The following EGFL6 variants were observed in gnomAD, a reference collection of about 807,000 sequenced individuals.
The protein encoded by EGFL6 is EGF like domain multiple 6, also known as epidermal growth factor-like protein 6.
EGFL6 carries 42 observed loss-of-function variants against 43.1 expected under a neutral mutation model. The ratio of observed to expected loss-of-function variants is 0.98; its 90% confidence interval spans 0.76 to 1.26. The LOEUF is 1.26. Ranked by LOEUF, EGFL6 falls within the 50% of genes most tolerant of loss-of-function variation. EGFL6 has a pLI of 0.00. For synonymous variants in EGFL6, 164 were observed against 163.2 expected, an observed-to-expected ratio of 1.01 and a Z score of -0.04; for missense variants, 429 against 427.8, an observed-to-expected ratio of 1.00 and a Z score of -0.02.
intron 10 of EGFL6, among the ~76,000 whole-genome samples, chrX:13,626,549 G>C (rs976134461): frequency 8.9e-6 from 1 of 112,051 alleles, no homozygotes; most frequent in African/African-American, 3.2e-5. Context: ...CACTAGTACA[G>C]GTGCAGGTGT....
At chrX:13,618,843 C>T (rs763589818) in intron 8 of EGFL6, among the ~76,000 whole-genome samples, 243 of 109,346 alleles carry the variant, frequency 2.2e-3, no homozygotes, top group Non-Finnish European at 3.9e-3. Context: ...AACTAGCATC[C>T]GGTGACATTC....
rs771567694 is a variant in EGFL6, at chrX:13,627,413, C to T, written c.1551+137C>T. The T allele has an allele frequency of 2.1e-5, 17 of 817,999 alleles. No individual in the cohort carries two copies. In the South Asian group the frequency reaches 3.0e-4, roughly 14 times the overall value. The allele number at this position is 817,999 out of a possible 1,213,427, so 67.4% of individuals were successfully genotyped here. A position where few individuals can be genotyped will look rare whatever the true frequency, so the allele number is the denominator to read the frequency against. On this transcript the variant is annotated intron_variant, in intron 11 of 11. Coordinates refer to ENST00000361306, the MANE Select transcript of EGFL6 (RefSeq NM_015507.4). ...ACTTTTTCCCTACACTTAAAGAATA[C>T]GTTCTGGAGCTGAATAGGCAAGGTG...
intron 3 of EGFL6, among the ~76,000 whole-genome samples, chrX:13,599,624 G>A (rs1240240857): frequency 9.3e-6 from 1 of 107,616 alleles, no homozygotes; most frequent in Admixed American, 1.0e-4. Flanking sequence ...TCTAGTTTGG[G>A]GCTATCTAGT....
intron 9 of EGFL6, among the ~76,000 whole-genome samples, chrX:13,621,019 G>A (rs1465381236): frequency 8.9e-6 from 1 of 112,355 alleles, no homozygotes; most frequent in African/African-American, 3.2e-5. Context: ...TGTTTGCCTT[G>A]GACAAGTCAC....
intron 6 of EGFL6, among the ~76,000 whole-genome samples, chrX:13,607,914 A>G (rs1024602723): frequency 1.8e-5 from 2 of 112,432 alleles, no homozygotes; most frequent in African/African-American, 6.5e-5. Context: ...GCCTGTGCCT[A>G]TAAGTTAGAT....
chrX:13,606,660 T>A, intron 6 of EGFL6, 147 bp downstream of exon 6: 1 of 590,457 alleles, frequency 1.7e-6, no homozygotes, highest in Non-Finnish European at 2.5e-6. Context: ...GTTATTTTTT[T>A]AGGTGTCTGG....
intron 1 of EGFL6, among the ~76,000 whole-genome samples, chrX:13,588,073 G>A (rs1302188901): frequency 3.8e-4 from 43 of 112,221 alleles, no homozygotes; most frequent in Non-Finnish European, 9.4e-5. Context: ...TATCAGTTGT[G>A]TAGAAGTTGA....
At chrX:13,590,323 A>G (rs1292596782) in intron 2 of EGFL6, 1 of 111,842 alleles carries the variant, frequency 8.9e-6, no homozygotes, top group Non-Finnish European at 1.9e-5. Context: ...ATGAGCATAA[A>G]GTTTTTGCCT....
chrX:13,606,279 A>C (rs2045659717), intron 5 of EGFL6, 100 bp from the exon 6 acceptor site: 2 of 918,312 alleles, frequency 2.2e-6, no homozygotes, highest in South Asian at 4.7e-5. Flanking sequence ...TACTATTATC[A>C]GTTTCCCAGA....
At position 13,571,056 on chromosome X, in the gene EGFL6, A is replaced by G. The variant is rs755553146; in HGVS notation, c.74+1121A>G. 2.7e-5 allele frequency among the ~76,000 whole-genome samples: 3 copies of G among 110,065 alleles called. No individual in the cohort carries two copies. In the Admixed American group the frequency reaches 2.9e-4, roughly 11 times the overall value. On this transcript the variant is annotated intron_variant, in intron 1 of 11. Coordinates refer to ENST00000361306, the MANE Select transcript of EGFL6 (RefSeq NM_015507.4). Reference sequence around the variant, plus strand: ...TGTGCATTGTAGGATGTTTAGCAGCACCTGTGGCCTCTACTCACTAGATAC... The same window carrying G: ...TGTGCATTGTAGGATGTTTAGCAGCGCCTGTGGCCTCTACTCACTAGATAC...
intron 5 of EGFL6, among the ~76,000 whole-genome samples, chrX:13,605,419 A>G (rs900009647): frequency 1.2e-4 from 13 of 108,725 alleles, no homozygotes; most frequent in Admixed American, 2.0e-4. Flanking sequence ...CAAAAAAAAA[A>G]TAATAAAAAA....
chrX:13,617,828 A>G lies in EGFL6; in HGVS notation c.877A>G (p.Lys293Glu), dbSNP rs746496728. Residue 293 changes from lysine to glutamate, a missense_variant, in exon 8 of 12, where the codon AAG becomes GAG. Coordinates refer to ENST00000361306, the MANE Select transcript of EGFL6 (RefSeq NM_015507.4). ...TGCTCACAAAAACAGCATGAAAAAGAAGGCAAAAATTAAAAATGTTACCCC... is the reference window on the plus strand; with the variant it reads ...TGCTCACAAAAACAGCATGAAAAAGGAGGCAAAAATTAAAAATGTTACCCC... Reference protein sequence around the residue: ...LLAHKNSMKKKAKIKNVTPEP... With the variant: ...LLAHKNSMKKEAKIKNVTPEP... 5.0e-6 allele frequency: 6 copies of G among 1,211,685 alleles called. No homozygotes were observed. In the Middle Eastern group the frequency reaches 9.2e-4, roughly 185 times the overall value.
intron 1 of EGFL6, among the ~76,000 whole-genome samples, chrX:13,576,890 G>GAGATCAGTAGTACTTCT (rs1299483935): frequency 8.9e-6 from 1 of 111,825 alleles, no homozygotes; most frequent in Non-Finnish European, 1.9e-5. Context: ...TTTACCCAGA[G>GAGATCAGTAGTACTTCT]AGATCAGTAG....
chrX:13,575,006 C>A, intron 1 of EGFL6: 1 of 116,574 alleles, frequency 8.6e-6, no homozygotes, highest in South Asian at 3.0e-4. Flanking sequence ...CACTAGCTAT[C>A]ATTTATCCAG....
chrX:13,619,230 A>G lies in EGFL6; in HGVS notation c.1170A>G (p.Lys390=), dbSNP rs2045736574. Residue 390 remains lysine, a synonymous_variant, in exon 9 of 12, where the codon AAA becomes AAG. Transcript: ENST00000361306. ...ILVQRKALTS[K]LEHKDLNISV... The stretch of plus-strand genomic sequence containing the variant: ...TCCAAAGGAAAGCGCTAACTTCCAA[A>G]CTGGAACATAAAGGTAAATAATTCT... 8 of 1,206,458 alleles carry G rather than the reference A, an allele frequency of 6.6e-6. No individual in the cohort carries two copies. In the East Asian group the frequency reaches 2.4e-4, roughly 36 times the overall value.
intron 3 of EGFL6, among the ~76,000 whole-genome samples, chrX:13,597,800 C>T (rs900566143): frequency 1.8e-5 from 2 of 111,340 alleles, no homozygotes; most frequent in Non-Finnish European, 1.9e-5. Flanking sequence ...AAAAATCATG[C>T]TTTCATAAGT....
At chrX:13,621,951 A>G (rs1256370238) in intron 9 of EGFL6, among the ~76,000 whole-genome samples, 1 of 112,437 alleles carries the variant, frequency 8.9e-6, no homozygotes, top group East Asian at 2.8e-4. Context: ...CTATTCCATC[A>G]TCCCAATTTA....
At chrX:13,628,793 G>A (rs1768741260) in intron 11 of EGFL6, among the ~76,000 whole-genome samples, 1 of 106,740 alleles carries the variant, frequency 9.4e-6, no homozygotes. Context: ...GGCAACAAGA[G>A]TGAAACTCTA....
chrX:13,600,034 G>A lies in EGFL6; in HGVS notation c.340G>A (p.Gly114Arg), dbSNP rs113977841. 91 of 1,208,921 alleles carry A rather than the reference G, an allele frequency of 7.5e-5. No individual in the cohort carries two copies. The highest frequency in any genetic ancestry group is 9.3e-5 in the Non-Finnish European group (83 of 894,405). Residue 114 changes from glycine (G) to arginine (R), a missense_variant, in exon 4 of 12, where the codon GGA becomes AGA. Transcript: ENST00000361306. ...PCQHRCVNTH[G>R]SYKCFCLSGH... ...CCAACACAGATGTGTGAATACACAC[G>A]GAAGCTACAAGTGCTTTTGCCTCAG...
Sources: gnomAD v4.1 joint callset for allele counts (sites outside exome capture counted in the v4.1 genomes callset) on GRCh38, gnomAD v4.1.1 for gene constraint, MANE v1.5 for transcripts, NCBI Gene and HGNC (gene_info 2026-07-23, HGNC 2026-07-21) for gene names.